SLMAP: variants seen among roughly 807,000 people sequenced by gnomAD.
The protein encoded by SLMAP is sarcolemma associated protein, also known as sarcolemmal membrane-associated protein.
SLMAP carries 44 observed loss-of-function variants against 128.8 expected under a neutral mutation model. The ratio of observed to expected loss-of-function variants is 0.34; its 90% CI spans 0.27 to 0.44. The LOEUF (loss-of-function observed/expected upper bound fraction) is 0.44. Ranked by LOEUF, SLMAP falls within the 20% of genes least tolerant of loss-of-function variation. The probability of loss-of-function intolerance (pLI) is 1.00; values close to 1 mark genes in which losing one functional copy is unlikely to be tolerated. For missense variants in SLMAP, 787 were observed against 985.3 expected, an observed-to-expected ratio of 0.80 and a Z score of 2.69; for synonymous variants, 327 against 348.8, an observed-to-expected ratio of 0.94 and a Z score of 0.70.
chr3:57,850,363 C>T (rs1225978024), intron 6 of SLMAP, among the ~76,000 whole-genome samples: 1 of 152,044 alleles, frequency 6.6e-6, no homozygotes, highest in Non-Finnish European at 1.5e-5. Flanking sequence ...AGCCTTTGTA[C>T]AAGAGGAATT....
chr3:57,828,494 G>A (rs1392730482), intron 2 of SLMAP, among the ~76,000 whole-genome samples: 1 of 152,096 alleles, frequency 6.6e-6, no homozygotes, highest in East Asian at 1.9e-4. Flanking sequence ...AGGGTTAGGG[G>A]GATGAATAGA....
intron 22 of SLMAP, chr3:57,917,656 C>G (rs2096839542): frequency 6.5e-6 from 1 of 154,412 alleles, no homozygotes; most frequent in South Asian, 2.0e-4. Context: ...GAAGTCATAA[C>G]AGTTGATTTT....
chr3:57,912,358 A>T, intron 19 of SLMAP, 23 bp from the exon 20 acceptor site: 1 of 1,594,054 alleles, frequency 6.3e-7, no homozygotes, highest in Middle Eastern at 1.7e-4. Context: ...TGGGCCAAGA[A>T]AATGATGGAT....
Position 57,885,771 on chromosome 3 carries a change from C to CTTTTTTTTTTTTTTTT in SLMAP, c.1301-4255_1301-4240dup, listed in dbSNP as rs35541333. On this transcript the variant is annotated intron_variant, in intron 14 of 24. Coordinates refer to ENST00000671191, the MANE Select transcript of SLMAP (RefSeq NM_001377540.1). ...TTGTTTTGCTTTTCGGTTTTTGGTT[C>CTTTTTTTTTTTTTTTT]TTTTTTTTTTTTTTTTTTTTTTTTT... Among the ~76,000 whole-genome samples, 11 of 53,574 alleles carry CTTTTTTTTTTTTTTTT rather than the reference C, an allele frequency of 2.1e-4. 3 individuals carry two copies. The highest frequency in any genetic ancestry group is 3.2e-4 in the African/African-American group (4 of 12,464). 35.1% of individuals were successfully genotyped at this position (53,574 alleles called of 152,430 possible).
intron 17 of SLMAP, among the ~76,000 whole-genome samples, chr3:57,906,312 T>TTTTTTTTTTTTTTTTTTTTC: frequency 8.7e-6 from 1 of 114,804 alleles, no homozygotes; most frequent in South Asian, 3.1e-4. Flanking sequence ...TTTTTTTTCT[T>TTTTTTTTTTTTTTTTTTTTC]TTTTTTTTTT....
intron 3 of SLMAP, among the ~76,000 whole-genome samples, chr3:57,836,426 T>A (rs1360212353): frequency 1.3e-5 from 2 of 152,228 alleles, no homozygotes; most frequent in African/African-American, 4.8e-5. Flanking sequence ...AAAGGTAACA[T>A]GAGCCTAATA....
intron 4 of SLMAP, among the ~76,000 whole-genome samples, chr3:57,845,037 C>CT (rs2094176545): frequency 6.6e-6 from 1 of 152,158 alleles, no homozygotes; most frequent in African/African-American, 2.4e-5. Context: ...ATGGTTATCT[C>CT]TGAGTGCTGG....
chr3:57,758,673 A>G (rs940165969), intron 2 of SLMAP, among the ~76,000 whole-genome samples: 2 of 152,216 alleles, frequency 1.3e-5, no homozygotes, highest in African/African-American at 4.8e-5. Flanking sequence ...AAGCGTAACC[A>G]ATTTAGTATT....
intron 2 of SLMAP, among the ~76,000 whole-genome samples, chr3:57,825,819 T>C (rs2092885674): frequency 6.6e-6 from 1 of 152,192 alleles, no homozygotes; most frequent in Non-Finnish European, 1.5e-5. Flanking sequence ...TATTTTGTGC[T>C]GGAGAGGGGG....
At chr3:57,765,026 T>C (rs2079397762) in intron 2 of SLMAP, among the ~76,000 whole-genome samples, 1 of 152,126 alleles carries the variant, frequency 6.6e-6, no homozygotes, top group Non-Finnish European at 1.5e-5. Context: ...ATGGATGAAA[T>C]CCAATTTAAA....
chr3:57,855,175 C>T (rs2094709678), intron 6 of SLMAP, among the ~76,000 whole-genome samples: 1 of 151,844 alleles, frequency 6.6e-6, no homozygotes, highest in Non-Finnish European at 1.5e-5. Context: ...GCTAGGAGTT[C>T]GAGACCAGCC....
At chr3:57,859,123 A>C (rs1417625792) in intron 8 of SLMAP, among the ~76,000 whole-genome samples, 1 of 152,130 alleles carries the variant, frequency 6.6e-6, no homozygotes, top group Non-Finnish European at 1.5e-5. Context: ...CAGGAGTTCA[A>C]AACCAGCGTG....
intron 2 of SLMAP, among the ~76,000 whole-genome samples, chr3:57,794,915 G>T (rs941427772): frequency 1.3e-5 from 2 of 152,160 alleles, no homozygotes; most frequent in African/African-American, 4.8e-5. Flanking sequence ...GTGTGAATTT[G>T]TGTTCAGCTG....
rs543349238 is a variant in SLMAP, at chr3:57,774,110, A to G, written c.198+16261A>G. ...TTCAGTATGAAATATATTTTAAAAC[A>G]TAACACCTATGTAGTAGTACTAGTC... On this transcript the variant is annotated intron_variant, in intron 2 of 24. Transcript: ENST00000671191. Among the ~76,000 whole-genome samples, 17 of 152,372 alleles carry G rather than the reference A, an allele frequency of 1.1e-4. No individual in the cohort carries two copies. The South Asian group carries it at 3.5e-3, about 32-fold the overall frequency.
chr3:57,795,533 C>T (rs986146142), intron 2 of SLMAP, among the ~76,000 whole-genome samples: 4 of 151,768 alleles, frequency 2.6e-5, no homozygotes, highest in African/African-American at 4.8e-5. Context: ...AGAGAGACTG[C>T]GTCTCAGAAA....
At chr3:57,761,168 GT>G (rs1456815022) in intron 2 of SLMAP, among the ~76,000 whole-genome samples, 1 of 152,158 alleles carries the variant, frequency 6.6e-6, no homozygotes, top group Non-Finnish European at 1.5e-5. Flanking sequence ...AGGGTGTTTA[GT>G]GGGGAAGAGG....
intron 2 of SLMAP, among the ~76,000 whole-genome samples, chr3:57,791,566 T>A (rs2085464058): frequency 1.3e-5 from 2 of 152,000 alleles, no homozygotes; most frequent in African/African-American, 2.4e-5. Flanking sequence ...AAAAACAGTT[T>A]GAGAAGGGGG....
intron 3 of SLMAP, among the ~76,000 whole-genome samples, chr3:57,834,763 T>G (rs984380886): frequency 1.4e-4 from 21 of 152,012 alleles, no homozygotes; most frequent in African/African-American, 4.3e-4. Flanking sequence ...GATAAAGATA[T>G]AGATACAAAA....
intron 2 of SLMAP, among the ~76,000 whole-genome samples, chr3:57,825,104 G>T (rs1270978803): frequency 6.6e-6 from 1 of 152,072 alleles, no homozygotes; most frequent in African/African-American, 2.4e-5. Flanking sequence ...CTTGTAAGCT[G>T]CAAATTTGCT....
Sources: allele counts gnomAD v4.1 joint callset (sites outside exome capture counted in the v4.1 genomes callset), GRCh38; gene constraint gnomAD v4.1.1; transcripts MANE v1.5; gene names NCBI Gene and HGNC (gene_info 2026-07-23, HGNC 2026-07-21).